Variants in CBLB observed in about 807,000 individuals in gnomAD.
The protein encoded by CBLB is E3 ubiquitin-protein ligase CBL-B.
In CBLB, 31 loss-of-function variants were observed where a neutral mutation model predicts 104.9. That is an observed-to-expected ratio of 0.30 (90% CI 0.22 to 0.40). The LOEUF (loss-of-function observed/expected upper bound fraction) is 0.40. CBLB is among the 10% of genes least tolerant of loss of function. The pLI, the probability that CBLB is intolerant of heterozygous loss-of-function variation, is 1.00. For synonymous variants in CBLB, 440 were observed against 422.6 expected, an observed-to-expected ratio of 1.04 and a Z score of -0.51; for missense variants, 1,062 against 1,214.6, an observed-to-expected ratio of 0.87 and a Z score of 1.87.
At chr3:105,859,451 A>C (rs1323552238) in intron 2 of CBLB, among the ~76,000 whole-genome samples, 6 of 152,144 alleles carry the variant, frequency 3.9e-5, no homozygotes, top group Non-Finnish European at 7.3e-5. Context: ...GGAGATCGAG[A>C]ACATCTTGGC....
chr3:105,761,831 G>A (rs2077666891), intron 4 of CBLB, among the ~76,000 whole-genome samples: 1 of 152,184 alleles, frequency 6.6e-6, no homozygotes, highest in African/African-American at 2.4e-5. Context: ...CTCAGAAGAA[G>A]AGAGGAAGAT....
intron 2 of CBLB, among the ~76,000 whole-genome samples, chr3:105,862,960 T>G (rs929135395): frequency 3.3e-5 from 5 of 152,192 alleles, no homozygotes. Flanking sequence ...CTTAAAGCAC[T>G]TACTACATTT....
chr3:105,671,362 G>C, intron 17 of CBLB: 1 of 214,814 alleles, frequency 4.7e-6, no homozygotes, highest in East Asian at 6.9e-5. Context: ...AGGGATCTGA[G>C]GGATCTTTTC....
intron 16 of CBLB, among the ~76,000 whole-genome samples, chr3:105,680,478 G>C (rs938897562): frequency 3.3e-5 from 5 of 152,180 alleles, no homozygotes; most frequent in African/African-American, 9.7e-5. Context: ...GCTTATCCAG[G>C]TGATGAAGAT....
intron 3 of CBLB, among the ~76,000 whole-genome samples, chr3:105,798,617 T>A (rs754809343): frequency 2.0e-5 from 3 of 152,186 alleles, no homozygotes; most frequent in Non-Finnish European, 4.4e-5. Flanking sequence ...TAAGACAGGA[T>A]GAATGGAGAT....
At chr3:105,740,020 T>G (rs2075365092) in intron 7 of CBLB, among the ~76,000 whole-genome samples, 1 of 152,178 alleles carries the variant, frequency 6.6e-6, no homozygotes. Flanking sequence ...GGGGAATCCC[T>G]TGAACCCAGG....
chr3:105,666,484 G>A (rs1265682222), intron 18 of CBLB, among the ~76,000 whole-genome samples: 2 of 151,936 alleles, frequency 1.3e-5, no homozygotes, highest in African/African-American at 2.4e-5. Flanking sequence ...TCAGGAGTTC[G>A]AGACCAGCCT....
intron 12 of CBLB, among the ~76,000 whole-genome samples, chr3:105,696,433 A>G (rs1400040974): frequency 6.6e-6 from 1 of 151,822 alleles, no homozygotes; most frequent in Non-Finnish European, 1.5e-5. Context: ...GAGTACAATA[A>G]ATCACAACTT....
intron 13 of CBLB, among the ~76,000 whole-genome samples, chr3:105,686,784 T>A (rs1217698075): frequency 6.6e-6 from 1 of 152,170 alleles, no homozygotes; most frequent in East Asian, 1.9e-4. Context: ...TAAATTCTTG[T>A]TGTTTGAGCA....
chr3:105,737,325 T>C, intron 7 of CBLB, 67 bp from the exon 8 acceptor site: 1 of 764,010 alleles, frequency 1.3e-6, no homozygotes, highest in South Asian at 1.7e-5. Context: ...GGATATTTAA[T>C]CAAATTTTTC....
intron 3 of CBLB, among the ~76,000 whole-genome samples, chr3:105,776,882 AAG>A (rs1448247495): frequency 6.6e-6 from 1 of 152,198 alleles, no homozygotes; most frequent in Non-Finnish European, 1.5e-5. Context: ...GTAAACATAA[AAG>A]AGAGAGTGAC....
chr3:105,807,034 G>A (rs2153031324), intron 3 of CBLB, among the ~76,000 whole-genome samples: 1 of 152,210 alleles, frequency 6.6e-6, no homozygotes, highest in South Asian at 2.1e-4. Flanking sequence ...TCTAACTATA[G>A]CAATAAGTTA....
At chr3:105,791,898 T>G (rs1190515984) in intron 3 of CBLB, among the ~76,000 whole-genome samples, 1 of 152,202 alleles carries the variant, frequency 6.6e-6, no homozygotes, top group African/African-American at 2.4e-5. Context: ...TCCATAATAT[T>G]TTATATATGC....
intron 3 of CBLB, among the ~76,000 whole-genome samples, chr3:105,838,760 C>T (rs1225780904): frequency 1.3e-5 from 2 of 151,572 alleles, no homozygotes; most frequent in Non-Finnish European, 2.9e-5. Flanking sequence ...AGCCATTCTC[C>T]TGCCTCAGCC....
At chr3:105,733,726 A>T (rs2074592747) in intron 9 of CBLB, among the ~76,000 whole-genome samples, 4 of 152,228 alleles carry the variant, frequency 2.6e-5, no homozygotes, top group Admixed American at 2.6e-4. Context: ...AAATGGCATA[A>T]AAATGTCTAG....
intron 14 of CBLB, chr3:105,682,065 A>C: frequency 2.1e-6 from 1 of 477,800 alleles, no homozygotes. Context: ...GGGCCACAAA[A>C]ATTGTTGATA....
In CBLB at chr3:105,737,224, C is replaced by A; in HGVS notation, c.1018G>T (p.Asp340Tyr). Residue 340 changes from aspartate to tyrosine, a missense_variant, in exon 8 of 19, where the codon GAT becomes TAT. Asp to Tyr is a radical substitution (Grantham distance 160). Transcript: ENST00000394030. ...LYPDGRSYNP[D>Y]LTGLCEPTPH... ...GTAGGTTCACATAATCCAGTTAAAT[C>A]AGGATTATAACTCCTCCCATCAGGA... The A allele has an allele frequency of 1.3e-6, 2 of 1,590,424 alleles. No individual in the cohort carries two copies. Among genetic ancestry groups the A allele is most frequent in the Non-Finnish European group, 1.7e-6 (2 of 1,160,934 alleles).
intron 4 of CBLB, among the ~76,000 whole-genome samples, chr3:105,755,914 C>T (rs1427411742): frequency 3.9e-5 from 6 of 152,016 alleles, no homozygotes; most frequent in Non-Finnish European, 7.4e-5. Context: ...TATTTATTGT[C>T]GTGGAAAAGT....
At chr3:105,694,108 C>T (rs2068047599) in intron 12 of CBLB, among the ~76,000 whole-genome samples, 1 of 151,886 alleles carries the variant, frequency 6.6e-6, no homozygotes, top group African/African-American at 2.4e-5. Context: ...AGCTTCTGTG[C>T]TAATGATAAC....
Sources: gnomAD v4.1 joint callset for allele counts (sites outside exome capture counted in the v4.1 genomes callset) on GRCh38, gnomAD v4.1.1 for gene constraint, MANE v1.5 for transcripts, NCBI Gene and HGNC (gene_info 2026-07-23, HGNC 2026-07-21) for gene names.